KIAA1217: variants seen among roughly 807,000 people sequenced by gnomAD.
The protein encoded by KIAA1217 is KIAA1217, also known as sickle tail protein homolog.
A neutral mutation model predicts 163.9 loss-of-function variants in KIAA1217; 88 were observed. The ratio of observed to expected loss-of-function variants is 0.54; its 90% CI spans 0.45 to 0.64. KIAA1217 has a LOEUF of 0.64. KIAA1217 is among the 30% of genes least tolerant of loss of function. KIAA1217 has a pLI of 0.00. For missense variants in KIAA1217, 2,372 were observed against 2,475.0 expected (o/e 0.96, Z 0.88); for synonymous variants, 903 against 923.1 (o/e 0.98, Z 0.39).
At chr10:23,739,415 A>T (rs570436676) in intron 1 of KIAA1217, among the ~76,000 whole-genome samples, 1 of 152,186 alleles carries the variant, frequency 6.6e-6, no homozygotes, top group South Asian at 2.1e-4. Context: ...AGATAAAGAT[A>T]TAGGAAACAG....
rs186896332 is a variant in KIAA1217, at chr10:23,847,590, A to G, written c.-321+152356A>G. On this transcript the variant is annotated intron_variant, in intron 1 of 18. Transcript: ENST00000376462. Reference sequence around the variant, plus strand: ...CCCTTTATCATTTTTTATTGCATCTATTTGATTCTTCTCTCTTTTCTTCTT... The same window carrying G: ...CCCTTTATCATTTTTTATTGCATCTGTTTGATTCTTCTCTCTTTTCTTCTT... Among the ~76,000 whole-genome samples the G allele has an allele frequency of 4.0e-4, 61 of 152,140 alleles. No individual in the cohort carries two copies. In the East Asian group the frequency reaches 0.012, roughly 29 times the overall value.
At chr10:24,187,551 G>C (rs966072744) in intron 2 of KIAA1217, among the ~76,000 whole-genome samples, 5 of 152,158 alleles carry the variant, frequency 3.3e-5, no homozygotes, top group Non-Finnish European at 7.3e-5. Flanking sequence ...TGAGGGGGTG[G>C]GCCTCCTGCA....
chr10:23,704,170 GTGTATATATATA>G (rs1564351633), intron 1 of KIAA1217, among the ~76,000 whole-genome samples: 5 of 54,096 alleles, frequency 9.2e-5, no homozygotes, highest in African/African-American at 4.1e-4. Context: ...GTGTGTGTGT[GTGTATATATATA>G]TATATATATA....
intron 2 of KIAA1217, among the ~76,000 whole-genome samples, chr10:24,317,817 A>C (rs2043591813): frequency 1.3e-5 from 2 of 152,340 alleles, no homozygotes; most frequent in Non-Finnish European, 2.9e-5. Flanking sequence ...CTTAGTAATT[A>C]TTTATGACCT....
intron 1 of KIAA1217, among the ~76,000 whole-genome samples, chr10:23,893,593 A>G (rs528242360): frequency 2.0e-5 from 3 of 151,912 alleles, no homozygotes; most frequent in Admixed American, 6.6e-5. Flanking sequence ...GAGGGTGTCA[A>G]TTTTGGATCT....
intron 2 of KIAA1217, among the ~76,000 whole-genome samples, chr10:24,283,284 T>A (rs1386492679): frequency 6.6e-6 from 1 of 152,138 alleles, no homozygotes; most frequent in African/African-American, 2.4e-5. Flanking sequence ...TATGTAGCCT[T>A]TTCAGAGTGG....
chr10:24,232,243 G>A (rs970970202), intron 2 of KIAA1217, among the ~76,000 whole-genome samples: 4 of 152,148 alleles, frequency 2.6e-5, no homozygotes, highest in East Asian at 1.9e-4. Context: ...CAAAATTGAC[G>A]TACAGTTGAC....
chr10:24,343,644 A>G (rs2047372384), intron 2 of KIAA1217, among the ~76,000 whole-genome samples: 1 of 152,250 alleles, frequency 6.6e-6, no homozygotes, highest in South Asian at 2.1e-4. Context: ...TTGTATTTTT[A>G]GAAAGAACTT....
intron 5 of KIAA1217, among the ~76,000 whole-genome samples, chr10:24,467,316 G>T (rs1468629681): frequency 6.6e-6 from 1 of 152,146 alleles, no homozygotes. Flanking sequence ...ATTATGATGA[G>T]GCTCTTGAAG....
chr10:23,714,032 C>T (rs546541560), intron 1 of KIAA1217, among the ~76,000 whole-genome samples: 6 of 152,232 alleles, frequency 3.9e-5, no homozygotes, highest in African/African-American at 1.4e-4. Flanking sequence ...TCCACCAGAA[C>T]TTCTCTGCCT....
At chr10:24,225,948 A>G (rs1206840822) in intron 2 of KIAA1217, among the ~76,000 whole-genome samples, 1 of 152,230 alleles carries the variant, frequency 6.6e-6, no homozygotes, top group Non-Finnish European at 1.5e-5. Flanking sequence ...ATGAGCCACT[A>G]TTTCTAATAC....
At chr10:24,175,597 T>C (rs373010889) in intron 2 of KIAA1217, among the ~76,000 whole-genome samples, 17 of 152,306 alleles carry the variant, frequency 1.1e-4, no homozygotes, top group African/African-American at 3.8e-4. Flanking sequence ...GGTGGGTTCT[T>C]GGGCTCACTG....
intron 9 of KIAA1217, among the ~76,000 whole-genome samples, chr10:24,506,334 T>C (rs1047357071): frequency 6.6e-6 from 1 of 152,214 alleles, no homozygotes; most frequent in African/African-American, 2.4e-5. Context: ...GCAAGACTGA[T>C]AGTCTTAGAT....
intron 2 of KIAA1217, among the ~76,000 whole-genome samples, chr10:24,177,157 G>C (rs1393381706): frequency 1.3e-5 from 2 of 150,408 alleles, no homozygotes; most frequent in South Asian, 2.1e-4. Context: ...CAGTGCAGCA[G>C]TGGGCTAAAG....
chr10:24,543,449 G>C lies in KIAA1217; in HGVS notation c.4179G>C (p.Gln1393His), dbSNP rs772278250. 3 of 1,614,126 alleles carry C rather than the reference G, an allele frequency of 1.9e-6. No homozygotes were observed. Among genetic ancestry groups the C allele is most frequent in the Admixed American group, 3.3e-5 (2 of 60,014 alleles). Residue 1393 changes from glutamine (Q) to histidine (H), a missense_variant, in exon 19 of 21, where the codon CAG (glutamine) becomes CAC (histidine). Transcript: ENST00000376454. The stretch of plus-strand genomic sequence containing the variant: ...TCATGATTACCGAAACCACTGTCCA[G>C]GTTCTTTCCAGTGGGGAGGTGCATG... The part of the protein sequence containing the change: ...IAFMITETTV[Q>H]VLSSGEVHDI...
chr10:24,511,450 C>T (rs2069155619), intron 9 of KIAA1217, among the ~76,000 whole-genome samples: 1 of 152,064 alleles, frequency 6.6e-6, no homozygotes, highest in Non-Finnish European at 1.5e-5. Context: ...CGAGACCTGC[C>T]TGATGATCAT....
intron 2 of KIAA1217, among the ~76,000 whole-genome samples, chr10:24,047,870 G>A (rs993017621): frequency 6.6e-6 from 1 of 152,184 alleles, no homozygotes; most frequent in African/African-American, 2.4e-5. Flanking sequence ...GTAGCCTGAA[G>A]GCAGTCATGG....
intron 2 of KIAA1217, among the ~76,000 whole-genome samples, chr10:24,077,588 G>C (rs1040070776): frequency 6.6e-6 from 1 of 152,138 alleles, no homozygotes; most frequent in Non-Finnish European, 1.5e-5. Context: ...CCATTGGTGG[G>C]CATTTGGGTT....
At position 23,889,627 on chromosome 10, in the gene KIAA1217, AATGGTT is replaced by A. The variant is rs1209562539; in HGVS notation, c.-320-117597_-320-117592del. Among the ~76,000 whole-genome samples, 3 of 152,056 alleles carry A rather than the reference AATGGTT, an allele frequency of 2.0e-5. No homozygotes were observed. In the East Asian group the frequency reaches 5.8e-4, roughly 30 times the overall value. On this transcript the variant is annotated intron_variant, in intron 1 of 18. Transcript: ENST00000376462. ...TAAATGATTCAATTCAGAAAAGACT[AATGGTT>A]TGCATTGTATTTTCCCAAAGTAGTA...
Sources: gnomAD v4.1 joint callset for allele counts (sites outside exome capture counted in the v4.1 genomes callset) on GRCh38, gnomAD v4.1.1 for gene constraint, MANE v1.5 for transcripts, NCBI Gene and HGNC (gene_info 2026-07-23, HGNC 2026-07-21) for gene names.